Variants in CLMP observed in about 807,000 individuals in gnomAD.
The protein encoded by CLMP is CXADR-like membrane protein.
In CLMP, 27 loss-of-function variants were observed where a neutral mutation model predicts 45.2. The ratio of observed to expected loss-of-function variants is 0.60; its 90% CI spans 0.44 to 0.82. CLMP has a LOEUF of 0.82. CLMP is among the 40% of genes least tolerant of loss of function. The pLI is 0.00. For synonymous variants in CLMP, 167 were observed against 171.4 expected, an observed-to-expected ratio of 0.97 and a Z score of 0.20; for missense variants, 403 against 448.4, an observed-to-expected ratio of 0.90 and a Z score of 0.91.
Position 123,070,160 on chromosome 11 carries a change from A to G in CLMP, c.*3314T>C, listed in dbSNP as rs997903892. ...TTATTGACATGGTTACTCAATGTCC[A>G]CATCATTCCATCTGCATCGTCTTCC... On this transcript the variant is annotated 3_prime_UTR_variant, in exon 7 of 7. Coordinates refer to ENST00000448775, the MANE Select transcript of CLMP (RefSeq NM_024769.5). 2.6e-5 allele frequency: 4 copies of G among 152,246 alleles called. No homozygotes were observed. Among genetic ancestry groups the G allele is most frequent in the African/African-American group, 2.4e-5 (1 of 41,476 alleles). The allele number at this position is 152,246 out of a possible 1,614,324, so 9.4% of individuals were successfully genotyped here.
At chr11:123,164,084 T>C (rs1243932823) in intron 1 of CLMP, among the ~76,000 whole-genome samples, 1 of 152,182 alleles carries the variant, frequency 6.6e-6, no homozygotes, top group Non-Finnish European at 1.5e-5. Context: ...CAGTGTTTGC[T>C]CTGTTCCAGG....
At chr11:123,154,649 A>G (rs1223156559) in intron 1 of CLMP, among the ~76,000 whole-genome samples, 2 of 152,206 alleles carry the variant, frequency 1.3e-5, no homozygotes, top group Non-Finnish European at 1.5e-5. Context: ...ATTTGGAGTC[A>G]GGAGGTCCAG....
intron 1 of CLMP, among the ~76,000 whole-genome samples, chr11:123,169,578 C>T (rs1861602702): frequency 6.6e-6 from 1 of 152,188 alleles, no homozygotes; most frequent in Non-Finnish European, 1.5e-5. Flanking sequence ...TAAGACTTCC[C>T]TCTTACCCCA....
At chr11:123,182,273 C>G (rs1460151127) in intron 1 of CLMP, among the ~76,000 whole-genome samples, 2 of 152,242 alleles carry the variant, frequency 1.3e-5, no homozygotes, top group Non-Finnish European at 2.9e-5. Context: ...CTGCGAAGAG[C>G]TGGCCAACCA....
chr11:123,115,764 T>C (rs11607994), intron 1 of CLMP, among the ~76,000 whole-genome samples: 34,783 of 152,088 alleles, frequency 0.23, 4,148 homozygotes, highest in Admixed American at 0.29. Context: ...ATGATGGCTG[T>C]GTTCTTCTGT....
intron 2 of CLMP, among the ~76,000 whole-genome samples, chr11:123,087,076 G>A (rs185968656): frequency 1.1e-3 from 172 of 152,042 alleles, no homozygotes; most frequent in Non-Finnish European, 1.9e-3. Context: ...GGTGGCTCAC[G>A]CCTATAATCC....
chr11:123,142,840 A>G (rs991834503), intron 1 of CLMP, among the ~76,000 whole-genome samples: 1 of 149,180 alleles, frequency 6.7e-6, no homozygotes, highest in Non-Finnish European at 1.5e-5. Flanking sequence ...GTTAGCCAGG[A>G]TGGTCTCGAT....
At chr11:123,120,864 C>T (rs373231766) in intron 1 of CLMP, among the ~76,000 whole-genome samples, 36 of 152,062 alleles carry the variant, frequency 2.4e-4, no homozygotes, top group African/African-American at 8.0e-4. Context: ...CGGTGGCTCA[C>T]GCTTGTAATC....
intron 1 of CLMP, among the ~76,000 whole-genome samples, chr11:123,121,224 A>C (rs1047117866): frequency 6.6e-6 from 1 of 152,046 alleles, no homozygotes. Flanking sequence ...GGGATTCCCA[A>C]CGTCAGTGTC....
chr11:123,105,171 G>A (rs1442166186), intron 1 of CLMP, among the ~76,000 whole-genome samples: 3 of 152,172 alleles, frequency 2.0e-5, no homozygotes, highest in Non-Finnish European at 4.4e-5. Context: ...AATTAAAGAA[G>A]ACACTGAGGA....
intron 1 of CLMP, among the ~76,000 whole-genome samples, chr11:123,114,724 T>A (rs1181789656): frequency 6.6e-6 from 1 of 152,116 alleles, no homozygotes; most frequent in Non-Finnish European, 1.5e-5. Flanking sequence ...AATAGTAATT[T>A]TTGAGGACTT....
chr11:123,158,733 G>A (rs1861447187), intron 1 of CLMP, among the ~76,000 whole-genome samples: 1 of 152,182 alleles, frequency 6.6e-6, no homozygotes, highest in Non-Finnish European at 1.5e-5. Flanking sequence ...ACAGACCTGG[G>A]TTTGAAATCT....
At chr11:123,136,057 T>C (rs1861066545) in intron 1 of CLMP, 2 of 597,374 alleles carry the variant, frequency 3.3e-6, no homozygotes, top group African/African-American at 3.7e-5. Flanking sequence ...TTCATCTGCC[T>C]TTTTGCTTTG....
At chr11:123,090,502 G>A (rs1466109525) in intron 2 of CLMP, among the ~76,000 whole-genome samples, 1 of 152,138 alleles carries the variant, frequency 6.6e-6, no homozygotes, top group East Asian at 1.9e-4. Context: ...CCAAACGGAA[G>A]CCTCTCCACT....
chr11:123,138,906 T>G (rs1304845761), intron 1 of CLMP, among the ~76,000 whole-genome samples: 1 of 152,114 alleles, frequency 6.6e-6, no homozygotes, highest in African/African-American at 2.4e-5. Context: ...CCACCCACCA[T>G]GGCCTCCCAA....
chr11:123,174,854 G>A (rs1861677786), intron 1 of CLMP, among the ~76,000 whole-genome samples: 3 of 152,192 alleles, frequency 2.0e-5, no homozygotes, highest in Admixed American at 2.0e-4. Context: ...CATCTGGTGT[G>A]TGCTCATTGT....
At chr11:123,171,461 TGAGAC>T (rs1861632039) in intron 1 of CLMP, among the ~76,000 whole-genome samples, 1 of 149,778 alleles carries the variant, frequency 6.7e-6, no homozygotes, top group South Asian at 2.1e-4. Flanking sequence ...TTTTTTTTTT[TGAGAC>T]GGAGTCTAGC....
chr11:123,164,920 G>A (rs1189609205), intron 1 of CLMP, among the ~76,000 whole-genome samples: 2 of 152,134 alleles, frequency 1.3e-5, no homozygotes, highest in East Asian at 1.9e-4. Flanking sequence ...ACTAACCAAA[G>A]AATGTTATAA....
At chr11:123,103,638 A>T (rs1481223913) in intron 1 of CLMP, among the ~76,000 whole-genome samples, 1 of 150,742 alleles carries the variant, frequency 6.6e-6, no homozygotes, top group African/African-American at 2.4e-5. Flanking sequence ...AGTTCGTTAG[A>T]CTCCAGGAGG....
Sources: allele counts gnomAD v4.1 joint callset (sites outside exome capture counted in the v4.1 genomes callset), GRCh38; gene constraint gnomAD v4.1.1; transcripts MANE v1.5; gene names NCBI Gene and HGNC (gene_info 2026-07-23, HGNC 2026-07-21).